The following DSCAML1 variants were observed in gnomAD, a reference collection of about 807,000 sequenced individuals.
DSCAML1 encodes the protein DS cell adhesion molecule like 1.
In DSCAML1, 38 loss-of-function variants were observed where a neutral mutation model predicts 200.5. The observed-to-expected ratio is 0.19, with a 90% CI of 0.15 to 0.25. DSCAML1 has a LOEUF of 0.25. Among genes scored for constraint, DSCAML1 ranks in the 10% least tolerant of loss-of-function variants. DSCAML1 has a pLI of 1.00. For synonymous variants in DSCAML1, 1,215 were observed against 1,165.0 expected (o/e 1.04, Z -0.87); for missense variants, 2,223 against 2,858.8 (o/e 0.78, Z 5.07).
chr11:117,702,105 G>T (rs2053680290), intron 3 of DSCAML1, among the ~76,000 whole-genome samples: 1 of 152,140 alleles, frequency 6.6e-6, no homozygotes. Flanking sequence ...CCTCTTCCCT[G>T]CGTGGCTCCC....
At chr11:117,703,598 C>G (rs2053704162) in intron 3 of DSCAML1, among the ~76,000 whole-genome samples, 1 of 152,224 alleles carries the variant, frequency 6.6e-6, no homozygotes, top group Non-Finnish European at 1.5e-5. Flanking sequence ...ATACAAAACT[C>G]TGCCCACTCC....
In DSCAML1 at chr11:117,480,333, G is replaced by A; in HGVS notation, c.2785+110C>T. ...GGTGGGTGCTTGTGTGTCTAGCTTGGATGGGCAGCCCTAAGGCTCAGGGGC... is the reference window on the plus strand; with the variant it reads ...GGTGGGTGCTTGTGTGTCTAGCTTGAATGGGCAGCCCTAAGGCTCAGGGGC... On this transcript the variant is annotated intron_variant, in intron 14 of 32. Coordinates refer to ENST00000651296, the MANE Select transcript of DSCAML1 (RefSeq NM_020693.4). The surrounding 1 kb of genome is among the most constrained non-coding windows in gnomAD (Gnocchi z 4.1). 1 of 1,491,986 alleles carries A rather than the reference G, an allele frequency of 6.7e-7. No individual in the cohort carries two copies. Among genetic ancestry groups the A allele is most frequent in the Non-Finnish European group, 9.1e-7 (1 of 1,103,598 alleles). The allele number at this position is 1,491,986 out of a possible 1,614,324, so 92.4% of individuals were successfully genotyped here. A position where few individuals can be genotyped will look rare whatever the true frequency, so the allele number is the denominator to read the frequency against.
Position 117,428,764 on chromosome 11 carries a change from G to A in DSCAML1, c.5726C>T (p.Ala1909Val), listed in dbSNP as rs750466561. 13 of 1,611,040 alleles carry A rather than the reference G, an allele frequency of 8.1e-6. No individual in the cohort carries two copies. Among genetic ancestry groups the A allele is most frequent in the Non-Finnish European group, 1.1e-5 (13 of 1,179,144 alleles). ...ACGTCCATCTGCCTTTCGAAAGAAG[G>A]CCTCTGACTTGGCATACAGGGGCAG... is the stretch of plus-strand genomic sequence containing the variant. Reference protein sequence around the residue: ...CNLPLYAKSEAFFRKADGREP... With the variant: ...CNLPLYAKSEVFFRKADGREP... The change falls in exon 33 of 33, where the codon GCC becomes GTC. Residue 1909 changes from alanine to valine, a missense_variant. Transcript: ENST00000651296.
chr11:117,653,487 G>A (rs1173505649), intron 3 of DSCAML1, among the ~76,000 whole-genome samples: 2 of 152,150 alleles, frequency 1.3e-5, no homozygotes, highest in Admixed American at 6.5e-5. Flanking sequence ...AGCCCTGTCT[G>A]TCTTCATCCT....
chr11:117,675,400 C>T (rs891034577), intron 3 of DSCAML1, among the ~76,000 whole-genome samples: 2 of 151,424 alleles, frequency 1.3e-5, no homozygotes, highest in Admixed American at 6.6e-5. Flanking sequence ...TGGGCTCAAG[C>T]GATCTTCCCG....
intron 3 of DSCAML1, among the ~76,000 whole-genome samples, chr11:117,656,233 G>A (rs1389765521): frequency 6.6e-6 from 1 of 152,204 alleles, no homozygotes; most frequent in Non-Finnish European, 1.5e-5. Flanking sequence ...GCAAGACTCC[G>A]TCTTGGGTGG....
intron 4 of DSCAML1, among the ~76,000 whole-genome samples, chr11:117,530,076 G>A (rs149135902): frequency 2.0e-5 from 3 of 151,786 alleles, no homozygotes; most frequent in African/African-American, 4.9e-5. Context: ...TCTTTGTGCC[G>A]GGGCCTCTCT....
At chr11:117,809,732 C>T (rs140599363) in intron 1 of DSCAML1, among the ~76,000 whole-genome samples, 1 of 152,172 alleles carries the variant, frequency 6.6e-6, no homozygotes, top group Admixed American at 6.5e-5. Context: ...GCTGAATCGC[C>T]GCGCAGCGCT....
chr11:117,543,872 T>C (rs2137373489), intron 3 of DSCAML1, among the ~76,000 whole-genome samples: 1 of 152,228 alleles, frequency 6.6e-6, no homozygotes, highest in East Asian at 1.9e-4. Context: ...ATGATGCGTA[T>C]GTAGTGCATA....
At chr11:117,555,144 A>T (rs1469949466) in intron 3 of DSCAML1, among the ~76,000 whole-genome samples, 1 of 152,142 alleles carries the variant, frequency 6.6e-6, no homozygotes, top group Non-Finnish European at 1.5e-5. Flanking sequence ...ATTGCCCTGG[A>T]TGGGTGTGTT....
At chr11:117,687,625 A>G (rs755954327) in intron 3 of DSCAML1, among the ~76,000 whole-genome samples, 9 of 151,920 alleles carry the variant, frequency 5.9e-5, no homozygotes, top group Non-Finnish European at 8.8e-5. Flanking sequence ...TTATTTTTTG[A>G]GCATCTACTA....
At chr11:117,549,579 C>T (rs1056823382) in intron 3 of DSCAML1, among the ~76,000 whole-genome samples, 4 of 152,146 alleles carry the variant, frequency 2.6e-5, no homozygotes, top group South Asian at 4.1e-4. Flanking sequence ...GTAGTGGTCA[C>T]GTGAATTAAA....
chr11:117,778,960 A>T (rs7924993), intron 2 of DSCAML1, among the ~76,000 whole-genome samples: 3 of 152,130 alleles, frequency 2.0e-5, no homozygotes, highest in Non-Finnish European at 4.4e-5. Context: ...CAAACCAACC[A>T]ATGGAATGAA....
chr11:117,501,140 C>T (rs1266924870), intron 11 of DSCAML1, among the ~76,000 whole-genome samples: 1 of 151,904 alleles, frequency 6.6e-6, no homozygotes, highest in Non-Finnish European at 1.5e-5. Context: ...AAACTGAAAT[C>T]AGAATGGGGG....
rs183722110 is a variant in DSCAML1 at position 117,475,375 on chromosome 11, A to T, written c.2786-3339T>A. ...TCCTTGTTCTCAGGATAAAGGTAAA[A>T]TTTCACAACCTGACCCAGGCCCTGC... is the stretch of plus-strand genomic sequence containing the variant. On this transcript the variant is annotated intron_variant, in intron 14 of 32. Coordinates refer to ENST00000651296, the MANE Select transcript of DSCAML1 (RefSeq NM_020693.4). Among the ~76,000 whole-genome samples the T allele has an allele frequency of 1.1e-4, 16 of 152,250 alleles. No homozygotes were observed. In the East Asian group the frequency reaches 3.1e-3, roughly 29 times the overall value.
chr11:117,807,072 C>G (rs531396641), intron 1 of DSCAML1, among the ~76,000 whole-genome samples: 1 of 152,318 alleles, frequency 6.6e-6, no homozygotes, highest in East Asian at 1.9e-4. Flanking sequence ...CCGGGGCACC[C>G]GCTTCCCCCA....
chr11:117,628,430 G>A (rs894147488), intron 3 of DSCAML1, among the ~76,000 whole-genome samples: 1 of 152,220 alleles, frequency 6.6e-6, no homozygotes, highest in African/African-American at 2.4e-5. Context: ...CGTGCAGGGA[G>A]AAGCACCAGT....
intron 1 of DSCAML1, among the ~76,000 whole-genome samples, chr11:117,807,986 T>C (rs542943422): frequency 6.6e-6 from 1 of 152,312 alleles, no homozygotes; most frequent in African/African-American, 2.4e-5. Context: ...CACACCCAGC[T>C]AATTTTTGCA....
chr11:117,640,023 C>T (rs1167950105), intron 3 of DSCAML1, among the ~76,000 whole-genome samples: 1 of 152,100 alleles, frequency 6.6e-6, no homozygotes, highest in Non-Finnish European at 1.5e-5. Context: ...TGGGTGGGCT[C>T]GTGGAATGGT....
Sources: gnomAD v4.1 joint callset for allele counts (sites outside exome capture counted in the v4.1 genomes callset) on GRCh38, gnomAD v4.1.1 for gene constraint, Gnocchi (gnomAD v3.1) non-coding constraint, MANE v1.5 for transcripts, NCBI Gene and HGNC (gene_info 2026-07-23, HGNC 2026-07-21) for gene names.